The following TRIO variants were observed in gnomAD, a reference collection of about 807,000 sequenced individuals.
The protein encoded by TRIO is triple functional domain protein.
A neutral mutation model predicts 351.9 loss-of-function variants in TRIO; 58 were observed. The ratio of observed to expected loss-of-function variants is 0.16; its 90% CI spans 0.13 to 0.21. The LOEUF (loss-of-function observed/expected upper bound fraction) is 0.21, where lower values mean the gene tolerates loss of function less well. Among genes scored for constraint, TRIO ranks in the 10% least tolerant of loss-of-function variants. TRIO has a pLI of 1.00. For synonymous variants in TRIO, 1,758 were observed against 1,595.7 expected (o/e 1.10, Z -2.42); for missense variants, 3,201 against 4,027.8 (o/e 0.79, Z 5.56).
chr5:14,420,261 A>AT lies in TRIO; in HGVS notation c.5203+241dup, dbSNP rs1202169559. The AT allele has an allele frequency of 3.2e-4, 175 of 548,676 alleles. 1 individual carries two copies. The highest frequency in any genetic ancestry group is 1.4e-4 in the Non-Finnish European group (45 of 314,330). The allele number at this position is 548,676 out of a possible 1,614,324, so 34.0% of individuals were successfully genotyped here. A position where few individuals can be genotyped will look rare whatever the true frequency, so the allele number is the denominator to read the frequency against. On this transcript the variant is annotated intron_variant, in intron 34 of 56. Coordinates refer to ENST00000344204, the MANE Select transcript of TRIO (RefSeq NM_007118.4). Reference sequence around the variant, plus strand: ...CTCACTTCCAGGGCGGTGTAGTGAGATATGACATCAGTTTAGAGAAGAACA... The same window carrying AT: ...CTCACTTCCAGGGCGGTGTAGTGAGATTATGACATCAGTTTAGAGAAGAACA...
At chr5:14,238,038 T>G (rs1441698839) in intron 1 of TRIO, among the ~76,000 whole-genome samples, 1 of 152,256 alleles carries the variant, frequency 6.6e-6, no homozygotes, top group Non-Finnish European at 1.5e-5. Flanking sequence ...GTAGGAATTT[T>G]CCTTTTTACT....
At chr5:14,262,977 T>A (rs1345546638) in intron 1 of TRIO, among the ~76,000 whole-genome samples, 1 of 152,204 alleles carries the variant, frequency 6.6e-6, no homozygotes, top group Non-Finnish European at 1.5e-5. Context: ...TTTCTTCTCT[T>A]CCATGAATGT....
intron 3 of TRIO, among the ~76,000 whole-genome samples, chr5:14,284,548 A>T (rs1339989515): frequency 6.6e-6 from 1 of 152,206 alleles, no homozygotes; most frequent in African/African-American, 2.4e-5. Context: ...ATCCTTCTGT[A>T]AACTGTGCAA....
intron 21 of TRIO, among the ~76,000 whole-genome samples, chr5:14,383,743 C>T (rs1426167619): frequency 1.3e-5 from 2 of 152,188 alleles, no homozygotes; most frequent in African/African-American, 4.8e-5. Context: ...TTCTGACTGC[C>T]TTTCCCTTAA....
intron 1 of TRIO, among the ~76,000 whole-genome samples, chr5:14,151,368 TTG>T (rs200982293): frequency 0.012 from 1,456 of 123,500 alleles, 27 homozygotes; most frequent in African/African-American, 0.048. Context: ...TGTTTTTTCA[TTG>T]TGTGTGTGTG....
chr5:14,292,562 CTT>C (rs1737003388), intron 5 of TRIO, among the ~76,000 whole-genome samples: 1 of 152,174 alleles, frequency 6.6e-6, no homozygotes, highest in Non-Finnish European at 1.5e-5. Flanking sequence ...ACAGTGGAAT[CTT>C]TTAGTCATTG....
chr5:14,364,938 C>T, intron 15 of TRIO, 122 bp downstream of exon 15: 1 of 1,279,020 alleles, frequency 7.8e-7, no homozygotes, highest in Non-Finnish European at 1.0e-6. Context: ...CACAGCTTTC[C>T]TGATATGTAA....
At chr5:14,318,317 T>C (rs1222632091) in intron 9 of TRIO, among the ~76,000 whole-genome samples, 3 of 146,100 alleles carry the variant, frequency 2.1e-5, no homozygotes, top group Non-Finnish European at 4.5e-5. Flanking sequence ...TAGCCTGGCG[T>C]GCTGGCACAT....
chr5:14,498,134 C>G lies in TRIO; in HGVS notation c.8093C>G (p.Thr2698Arg). Reference protein sequence around the residue: ...VIPLSEVTCETGETVVLRCRV... With the variant: ...VIPLSEVTCERGETVVLRCRV... ...CCATTGAGTGAGGTCACGTGTGAGA[C>G]AGGGGAGACCGTTGTTCTTAGATGT... is the stretch of plus-strand genomic sequence containing the variant. The change falls in exon 52 of 57, where the codon ACA becomes AGA. Residue 2698 changes from threonine to arginine, a missense_variant. Around this residue, in one of 19 missense-constraint regions of TRIO, gnomAD observed 1,089 missense variants for 954.9 expected, o/e 1.14. Transcript: ENST00000344204. 1 of 1,614,190 alleles carries G rather than the reference C, an allele frequency of 6.2e-7. No individual in the cohort carries two copies. The highest frequency in any genetic ancestry group is 8.5e-7 in the Non-Finnish European group (1 of 1,180,038).
intron 1 of TRIO, among the ~76,000 whole-genome samples, chr5:14,270,474 G>T (rs1263251588): frequency 6.6e-6 from 1 of 152,178 alleles, no homozygotes; most frequent in Non-Finnish European, 1.5e-5. Flanking sequence ...CTTTGTACCA[G>T]CAAAGATTTA....
At chr5:14,457,497 A>G (rs1049943087) in intron 34 of TRIO, among the ~76,000 whole-genome samples, 1 of 151,666 alleles carries the variant, frequency 6.6e-6, no homozygotes, top group African/African-American at 2.4e-5. Context: ...CCAAAGTGCA[A>G]AGAACCAAAT....
intron 7 of TRIO, 109 bp downstream of exon 7, chr5:14,297,372 G>A (rs545207190): frequency 1.3e-5 from 17 of 1,268,942 alleles, no homozygotes; most frequent in East Asian, 2.6e-5. Flanking sequence ...TGTGAGCTCC[G>A]CATGTGAGCT....
chr5:14,148,222 A>G (rs1185687255), intron 1 of TRIO, among the ~76,000 whole-genome samples: 1 of 152,234 alleles, frequency 6.6e-6, no homozygotes, highest in African/African-American at 2.4e-5. Flanking sequence ...AAAATGAAGC[A>G]TGTGGTTTAC....
intron 1 of TRIO, among the ~76,000 whole-genome samples, chr5:14,189,575 A>C (rs1410735938): frequency 6.6e-6 from 1 of 152,228 alleles, no homozygotes; most frequent in East Asian, 1.9e-4. Context: ...TGACCAAGGC[A>C]CTGGATAAAT....
rs57132862 is a variant in TRIO, at chr5:14,430,608, C to T, written c.5203+10587C>T. Among the ~76,000 whole-genome samples, 955 of 152,252 alleles carry T rather than the reference C, an allele frequency of 6.3e-3. 14 individuals carry two copies. The highest frequency in any genetic ancestry group is 0.022 in the African/African-American group (923 of 41,550). The stretch of plus-strand genomic sequence containing the variant: ...GGCTGTTGATGGCTCTCCTAGTGGG[C>T]CTTGGAGTCTCTGTATAATCTCCGC... On this transcript the variant is annotated intron_variant, in intron 34 of 56. Coordinates refer to ENST00000344204, the MANE Select transcript of TRIO (RefSeq NM_007118.4).
chr5:14,279,729 T>C (rs1735827703), intron 2 of TRIO, among the ~76,000 whole-genome samples: 1 of 152,266 alleles, frequency 6.6e-6, no homozygotes, highest in Non-Finnish European at 1.5e-5. Context: ...CTTAAGCTAA[T>C]TAGCTTTAAA....
intron 1 of TRIO, among the ~76,000 whole-genome samples, chr5:14,195,556 A>C (rs1409884646): frequency 6.6e-6 from 1 of 152,318 alleles, no homozygotes; most frequent in East Asian, 1.9e-4. Flanking sequence ...TCCTCATCAC[A>C]CTTTTACCCA....
At position 14,274,711 on chromosome 5, in the gene TRIO, G is replaced by C. The variant is rs188479067; in HGVS notation, c.232+3812G>C. Among the ~76,000 whole-genome samples, 24 of 152,210 alleles carry C rather than the reference G, an allele frequency of 1.6e-4. No homozygotes were observed. In the South Asian group the frequency reaches 5.0e-3, roughly 32 times the overall value. On this transcript the variant is annotated intron_variant, in intron 2 of 56. Coordinates refer to ENST00000344204, the MANE Select transcript of TRIO (RefSeq NM_007118.4). ...GGCTATTGAAAAAGGACCATTGTTT[G>C]TTTGTTTGTTTTTTCCCCCAATAAA...
intron 34 of TRIO, among the ~76,000 whole-genome samples, chr5:14,459,194 G>A (rs1753591850): frequency 6.6e-6 from 1 of 152,204 alleles, no homozygotes; most frequent in African/African-American, 2.4e-5. Flanking sequence ...AGACGGGCGT[G>A]TGCTGTCTAG....
Sources: allele counts gnomAD v4.1 joint callset (sites outside exome capture counted in the v4.1 genomes callset), GRCh38; gene constraint gnomAD v4.1.1; regional missense constraint gnomAD v4.1.1; transcripts MANE v1.5; gene names NCBI Gene and HGNC (gene_info 2026-07-23, HGNC 2026-07-21).